Variants in ARMC3 observed in about 807,000 individuals in gnomAD.
The protein encoded by ARMC3 is armadillo repeat containing 3.
Under a neutral mutation model 90.3 loss-of-function variants are expected in ARMC3, and 74 were observed. That is an observed-to-expected ratio of 0.82 (90% CI 0.68 to 0.99). ARMC3 has a LOEUF of 0.99. Among genes scored for constraint, ARMC3 ranks in the 50% least tolerant of loss-of-function variants. ARMC3 has a pLI of 0.00. For missense variants in ARMC3, 958 were observed against 1,042.8 expected (o/e 0.92, Z 1.12); for synonymous variants, 334 against 361.8 (o/e 0.92, Z 0.87).
chr10:22,950,070 GT>G (rs138952864), intron 3 of ARMC3, among the ~76,000 whole-genome samples: 8,826 of 151,508 alleles, frequency 0.058, 833 homozygotes, highest in African/African-American at 0.2. Context: ...GTGAAATAAT[GT>G]TTTTTTTCCA....
chr10:22,991,872 C>G (rs1301645697), intron 10 of ARMC3, among the ~76,000 whole-genome samples: 1 of 152,188 alleles, frequency 6.6e-6, no homozygotes, highest in Non-Finnish European at 1.5e-5. Flanking sequence ...CATGGTATCT[C>G]TAATTACTTT....
chr10:22,988,813 T>TA (rs1260769002), intron 10 of ARMC3, among the ~76,000 whole-genome samples: 1 of 152,210 alleles, frequency 6.6e-6, no homozygotes, highest in African/African-American at 2.4e-5. Context: ...CAGACCCACT[T>TA]ACATAAGTAA....
chr10:22,942,243 A>T (rs937269086), intron 2 of ARMC3, among the ~76,000 whole-genome samples: 1 of 152,174 alleles, frequency 6.6e-6, no homozygotes, highest in South Asian at 2.1e-4. Context: ...GTCAAGTTGT[A>T]TCTTTCACCA....
At chr10:23,034,674 C>T (rs944090418) in intron 18 of ARMC3, among the ~76,000 whole-genome samples, 1 of 152,188 alleles carries the variant, frequency 6.6e-6, no homozygotes, top group Non-Finnish European at 1.5e-5. Context: ...CTTTCGCTCC[C>T]ACTCTCTCAA....
At chr10:22,974,901 C>G (rs185836705) in intron 8 of ARMC3, among the ~76,000 whole-genome samples, 19 of 142,310 alleles carry the variant, frequency 1.3e-4, no homozygotes, top group East Asian at 1.0e-3. Flanking sequence ...CTTGGCCTCC[C>G]GAAGTGCTGG....
intron 3 of ARMC3, among the ~76,000 whole-genome samples, chr10:22,948,631 A>G (rs1834627213): frequency 6.6e-6 from 1 of 152,136 alleles, no homozygotes; most frequent in Non-Finnish European, 1.5e-5. Context: ...TCAACATCAG[A>G]CAATAAAGGG....
chr10:23,028,178 G>T (rs1838791606), intron 16 of ARMC3, among the ~76,000 whole-genome samples: 1 of 152,008 alleles, frequency 6.6e-6, no homozygotes, highest in African/African-American at 2.4e-5. Context: ...CAACAATTTT[G>T]TTCTGGGTGT....
chr10:22,959,515 A>G lies in ARMC3; in HGVS notation c.478A>G (p.Ser160Gly), dbSNP rs1017199164. Residue 160 changes from serine (S) to glycine (G), a missense_variant, in exon 6 of 19, where the codon AGT (serine) becomes GGT (glycine). Physicochemically the swap from Ser to Gly is moderately conservative, Grantham distance 56. Coordinates refer to ENST00000298032, the MANE Select transcript of ARMC3 (RefSeq NM_173081.5). Reference sequence around the variant, plus strand: ...ATTAGAGCCACTCATCAGACTACTGAGTAGCCCTGACCCGGATGTAAAGAA... The same window carrying G: ...ATTAGAGCCACTCATCAGACTACTGGGTAGCCCTGACCCGGATGTAAAGAA... The part of the protein sequence containing the change: ...GGLEPLIRLL[S>G]SPDPDVKKNS... 4.3e-6 allele frequency: 7 copies of G among 1,613,876 alleles called. No homozygotes were observed. In the African/African-American group the frequency reaches 9.3e-5, roughly 22 times the overall value.
intron 10 of ARMC3, among the ~76,000 whole-genome samples, chr10:22,986,217 T>C (rs938185164): frequency 2.0e-5 from 3 of 148,578 alleles, no homozygotes; most frequent in African/African-American, 7.5e-5. Flanking sequence ...GTCCATCCCA[T>C]AGTAGGCATT....
chr10:22,984,100 T>A (rs1278836995), intron 10 of ARMC3, among the ~76,000 whole-genome samples: 2 of 152,222 alleles, frequency 1.3e-5, no homozygotes, highest in African/African-American at 4.8e-5. Context: ...ATTTGATAGA[T>A]GTTTGAATAT....
At chr10:23,002,147 C>T in intron 12 of ARMC3, 92 bp downstream of exon 12, 3 of 1,487,972 alleles carry the variant, frequency 2.0e-6, no homozygotes, top group Non-Finnish European at 2.7e-6. Flanking sequence ...CAAGCCAAGT[C>T]TCCGCTGCTC....
intron 2 of ARMC3, among the ~76,000 whole-genome samples, chr10:22,933,681 T>C (rs889843159): frequency 1.1e-4 from 17 of 152,108 alleles, no homozygotes; most frequent in Non-Finnish European, 2.4e-4. Flanking sequence ...GTCAGGAGAT[T>C]GAGACCATCC....
At chr10:23,026,399 G>C (rs1258107096) in intron 16 of ARMC3, among the ~76,000 whole-genome samples, 3 of 152,040 alleles carry the variant, frequency 2.0e-5, no homozygotes, top group Non-Finnish European at 4.4e-5. Flanking sequence ...TGAGCAACTT[G>C]AGGGCTTTAT....
chr10:22,984,749 A>G (rs1054554132), intron 10 of ARMC3, among the ~76,000 whole-genome samples: 2 of 152,216 alleles, frequency 1.3e-5, no homozygotes, highest in Admixed American at 1.3e-4. Flanking sequence ...TTTGGTATTC[A>G]TGAATGAGGT....
chr10:22,980,956 G>A (rs573197648), intron 8 of ARMC3, among the ~76,000 whole-genome samples: 2 of 152,218 alleles, frequency 1.3e-5, no homozygotes, highest in South Asian at 4.1e-4. Flanking sequence ...CCAATATTGG[G>A]TTTTATATTT....
chr10:22,948,894 G>A (rs1834636676), intron 3 of ARMC3, among the ~76,000 whole-genome samples: 1 of 152,208 alleles, frequency 6.6e-6, no homozygotes, highest in Non-Finnish European at 1.5e-5. Context: ...GTATTTAGAA[G>A]AGTAGTGAAC....
chr10:22,949,563 G>C (rs1210406139), intron 3 of ARMC3, among the ~76,000 whole-genome samples: 1 of 152,184 alleles, frequency 6.6e-6, no homozygotes. Flanking sequence ...TGTCCAAAAT[G>C]AAGGACAGTG....
chr10:22,999,674 C>T (rs1588897833), intron 11 of ARMC3, among the ~76,000 whole-genome samples: 1 of 152,308 alleles, frequency 6.6e-6, no homozygotes, highest in African/African-American at 2.4e-5. Context: ...GAAATATGCT[C>T]AAAGCAGACT....
chr10:22,975,396 C>T (rs144696250), intron 8 of ARMC3, among the ~76,000 whole-genome samples: 2 of 152,168 alleles, frequency 1.3e-5, no homozygotes, highest in African/African-American at 4.8e-5. Context: ...AACCCCATCT[C>T]TACTAAAAAT....
Sources: allele counts gnomAD v4.1 joint callset (sites outside exome capture counted in the v4.1 genomes callset), GRCh38; gene constraint gnomAD v4.1.1; transcripts MANE v1.5; gene names NCBI Gene and HGNC (gene_info 2026-07-23, HGNC 2026-07-21).